Variants in ANO7 observed in about 807,000 individuals in gnomAD.
The protein encoded by ANO7 is anoctamin 7, also known as anoctamin-7.
Under a neutral mutation model 115.8 loss-of-function variants are expected in ANO7, and 114 were observed. That is an observed-to-expected ratio of 0.98 (90% CI 0.85 to 1.15). The LOEUF (loss-of-function observed/expected upper bound fraction) is 1.15, where lower values mean the gene tolerates loss of function less well. ANO7 is among the 50% of genes most tolerant of loss of function. The pLI is 0.00. For missense variants in ANO7, 1,302 were observed against 1,201.2 expected (o/e 1.08, Z -1.24); for synonymous variants, 550 against 498.2 (o/e 1.10, Z -1.38).
At position 241,202,196 on chromosome 2, in the gene ANO7, G is replaced by C. The variant is rs760375558; in HGVS notation, c.615G>C (p.Leu205=). The part of the protein sequence containing the change: ...FFTSTKRHQI[L]FEILAKTPYG... The stretch of plus-strand genomic sequence containing the variant: ...GCCATCCTCCACATCCCCTGCAGCT[G>C]TTTGAGATCCTGGCCAAGACCCCGT... The change falls in exon 8 of 25, where the codon CTG becomes CTC. Residue 205 remains leucine, a splice_region_variant and synonymous_variant. Transcript: ENST00000674324. The C allele has an allele frequency of 8.7e-6, 14 of 1,613,658 alleles. No individual in the cohort carries two copies. Among genetic ancestry groups the C allele is most frequent in the Non-Finnish European group, 1.2e-5 (14 of 1,179,824 alleles).
At chr2:241,201,219 C>T (rs2068461673) in intron 6 of ANO7, 79 bp from the exon 7 acceptor site, 3 of 1,469,370 alleles carry the variant, frequency 2.0e-6, no homozygotes, top group Non-Finnish European at 2.7e-6. Flanking sequence ...CACATGCCCG[C>T]AGCTTCCTCC....
At chr2:241,210,415 C>CG (rs771695307) in intron 14 of ANO7, 22 bp downstream of exon 14, 4 of 1,613,800 alleles carry the variant, frequency 2.5e-6, no homozygotes, top group African/African-American at 1.3e-5. Flanking sequence ...CTGCCTGCCT[C>CG]GGGGGGCCCT....
At chr2:241,202,069 G>A (rs1053209874) in intron 7 of ANO7, 125 bp from the exon 8 acceptor site, 11 of 719,832 alleles carry the variant, frequency 1.5e-5, no homozygotes, top group Middle Eastern at 2.4e-4. Context: ...CCATCAGATC[G>A]CTATTGTCAC....
At chr2:241,200,756 C>T (rs548120294) in intron 6 of ANO7, among the ~76,000 whole-genome samples, 3 of 152,380 alleles carry the variant, frequency 2.0e-5, no homozygotes, top group Non-Finnish European at 2.9e-5. Context: ...GTGCTGAAGG[C>T]GGCCTTTCTG....
chr2:241,220,692 C>T (rs570408564), intron 21 of ANO7, among the ~76,000 whole-genome samples: 14 of 152,206 alleles, frequency 9.2e-5, no homozygotes, highest in East Asian at 7.7e-4. Context: ...CCCAGCTACT[C>T]GGGAGGCTGA....
chr2:241,214,639 C>T (rs1480445303), intron 17 of ANO7, among the ~76,000 whole-genome samples, 166 bp from the exon 18 acceptor site: 1 of 152,128 alleles, frequency 6.6e-6, no homozygotes, highest in African/African-American at 2.4e-5. Flanking sequence ...CCTGTGAGGT[C>T]GGGAGGGAGT....
At chr2:241,228,863 C>G (rs548059476), downstream of ANO7, 2 of 152,880 alleles carry the variant, frequency 1.3e-5, no homozygotes, top group Admixed American at 1.3e-4. Flanking sequence ...GACACTGTGA[C>G]GGCCACAGGG....
At chr2:241,236,448 T>C in the ANO7 span, 2 of 685,064 alleles carry the variant, frequency 2.9e-6, no homozygotes, top group South Asian at 1.8e-5. Context: ...CCAAACTCTG[T>C]GTCCAGCCGA....
Position 241,224,121 on chromosome 2 carries a change from A to G in ANO7, c.2608A>G (p.Thr870Ala). The G allele has an allele frequency of 6.2e-7, 1 of 1,613,666 alleles. No homozygotes were observed. The highest frequency in any genetic ancestry group is 8.5e-7 in the Non-Finnish European group (1 of 1,179,906). ...SELSSHWTPF[T>A]VPKASQLQQ is the part of the protein sequence containing the mutation. The stretch of plus-strand genomic sequence containing the variant: ...GCTCAGCTCCCACTGGACACCCTTC[A>G]CGGTTCCCAAGGCCAGCCAGCTGCA... The change falls in exon 25 of 25, where the codon ACG becomes GCG. Residue 870 changes from threonine to alanine, a missense_variant. By Grantham distance (58) the Thr-to-Ala change is moderately conservative. Transcript: ENST00000674324.
At chr2:241,195,440 G>A (rs565422109) in intron 3 of ANO7, among the ~76,000 whole-genome samples, 28 of 152,320 alleles carry the variant, frequency 1.8e-4, no homozygotes, top group African/African-American at 6.3e-4. Flanking sequence ...CACCATAGCA[G>A]GAATCTCAGA....
intron 11 of ANO7, among the ~76,000 whole-genome samples, chr2:241,209,076 G>A (rs2068657135): frequency 6.6e-6 from 1 of 152,234 alleles, no homozygotes; most frequent in Admixed American, 6.5e-5. Context: ...GTGAACCCGG[G>A]AGGCGAAGCG....
intron 3 of ANO7, 108 bp downstream of exon 3, chr2:241,191,359 C>A: frequency 7.2e-7 from 1 of 1,380,638 alleles, no homozygotes; most frequent in Non-Finnish European, 1.0e-6. Context: ...TCAGTAGCCA[C>A]TCTGGGGCCA....
At chr2:241,221,026 G>A (rs1249025036) in intron 21 of ANO7, among the ~76,000 whole-genome samples, 1 of 151,760 alleles carries the variant, frequency 6.6e-6, no homozygotes, top group Admixed American at 6.6e-5. Context: ...GCCTGCTGGT[G>A]AAACAAATCA....
At chr2:241,230,276 G>C, downstream of ANO7, 1 of 1,556,154 alleles carries the variant, frequency 6.4e-7, no homozygotes, top group East Asian at 2.3e-5. This position sits in a 1 kb window ranked among gnomAD's most constrained non-coding sequence, Gnocchi z 5.0. Flanking sequence ...CCACCTGGAA[G>C]GGGTGTACAA....
Position 241,219,731 on chromosome 2 carries a change from CTTT to C in ANO7, c.2321+1367_2321+1369del, listed in dbSNP as rs11299376. ...TACAGGCGTGTGCCACCAGGCCTGGCTTTTTTTTTTTTTTTTTTTCTTTAAAGA... is the reference window on the plus strand; with the variant it reads ...TACAGGCGTGTGCCACCAGGCCTGGCTTTTTTTTTTTTTTTTCTTTAAAGA... On this transcript the variant is annotated intron_variant, in intron 21 of 24. Transcript: ENST00000674324. 4.1e-4 allele frequency among the ~76,000 whole-genome samples: 47 copies of C among 113,948 alleles called. 1 individual carries two copies. Among genetic ancestry groups the C allele is most frequent in the East Asian group, 1.3e-3 (5 of 3,744 alleles). 74.8% of individuals were successfully genotyped at this position (113,948 alleles called of 152,430 possible). A position where few individuals can be genotyped will look rare whatever the true frequency, so the allele number is the denominator to read the frequency against.
At chr2:241,218,656 C>T (rs2068931269) in intron 21 of ANO7, among the ~76,000 whole-genome samples, 1 of 152,238 alleles carries the variant, frequency 6.6e-6, no homozygotes, top group Non-Finnish European at 1.5e-5. Context: ...GCAGACAGAA[C>T]TCCTCAGACA....
At position 241,210,327 on chromosome 2, in the gene ANO7, C is replaced by A; in HGVS notation, c.1392C>A (p.Ile464=). Reference sequence around the variant, plus strand: ...TGGTGGTCATGTGCCTCGTGTCTATCATCCTGTACCGTGCCATCATGGCCA... The same window carrying A: ...TGGTGGTCATGTGCCTCGTGTCTATAATCCTGTACCGTGCCATCATGGCCA... ...VAVVVMCLVS[I]ILYRAIMAIV... Residue 464 remains isoleucine (I), a synonymous_variant, in exon 14 of 25, where the codon ATC becomes ATA. Coordinates refer to ENST00000674324, the MANE Select transcript of ANO7 (RefSeq NM_001370694.2). The A allele has an allele frequency of 6.2e-7, 1 of 1,614,060 alleles. No homozygotes were observed. Among genetic ancestry groups the A allele is most frequent in the Non-Finnish European group, 8.5e-7 (1 of 1,179,992 alleles).
At position 241,199,306 on chromosome 2, in the gene ANO7, G is replaced by A; in HGVS notation, c.310-10G>A. The A allele has an allele frequency of 6.2e-7, 1 of 1,613,092 alleles. No homozygotes were observed. The highest frequency in any genetic ancestry group is 1.7e-5 in the Admixed American group (1 of 60,028). On this transcript the variant is annotated splice_polypyrimidine_tract_variant and intron_variant, in intron 4 of 24. Coordinates refer to ENST00000674324, the MANE Select transcript of ANO7 (RefSeq NM_001370694.2). ...CCCTCAGGCTCTCACGGAGCCCTGG[G>A]TGCCTACAGCAGGACGTCCAGGACG... is the stretch of plus-strand genomic sequence containing the variant.
chr2:241,208,159 T>C (rs1281615439), intron 11 of ANO7, among the ~76,000 whole-genome samples: 1 of 152,238 alleles, frequency 6.6e-6, no homozygotes, highest in Non-Finnish European at 1.5e-5. Context: ...CCACATGCAC[T>C]GGACCCAGAG....
Sources: gnomAD v4.1 joint callset for allele counts (sites outside exome capture counted in the v4.1 genomes callset) on GRCh38, gnomAD v4.1.1 for gene constraint, Gnocchi (gnomAD v3.1) non-coding constraint, MANE v1.5 for transcripts, NCBI Gene and HGNC (gene_info 2026-07-23, HGNC 2026-07-21) for gene names.